HCN1: variants seen among roughly 807,000 people sequenced by gnomAD.
The protein encoded by HCN1 is potassium/sodium hyperpolarization-activated cyclic nucleotide-gated channel 1.
HCN1 carries 13 observed loss-of-function variants against 78.9 expected under a neutral mutation model. The ratio of observed to expected loss-of-function variants is 0.16; its 90% CI spans 0.11 to 0.26. The LOEUF is 0.26. Among genes scored for constraint, HCN1 ranks in the 10% least tolerant of loss-of-function variants. HCN1 has a pLI of 1.00. For missense variants in HCN1, 810 were observed against 1,154.3 expected, an observed-to-expected ratio of 0.70 and a Z score of 4.32; for synonymous variants, 552 against 455.5, an observed-to-expected ratio of 1.21 and a Z score of -2.70.
chr5:45,675,107 C>T (rs1746239887), intron 1 of HCN1, among the ~76,000 whole-genome samples: 1 of 151,622 alleles, frequency 6.6e-6, no homozygotes. Flanking sequence ...AGTGTTCTCA[C>T]TACTACTCTG....
At chr5:45,543,406 T>A (rs969694252) in intron 2 of HCN1, among the ~76,000 whole-genome samples, 2 of 152,148 alleles carry the variant, frequency 1.3e-5, no homozygotes, top group Non-Finnish European at 2.9e-5. Flanking sequence ...TGACTTGCTT[T>A]AGAAATGACA....
At chr5:45,412,635 C>G (rs1408320378) in intron 3 of HCN1, among the ~76,000 whole-genome samples, 1 of 152,064 alleles carries the variant, frequency 6.6e-6, no homozygotes, top group Non-Finnish European at 1.5e-5. Context: ...ATGGCAATGT[C>G]TCTGGAAGGC....
At chr5:45,314,556 A>G (rs1745935212) in intron 5 of HCN1, among the ~76,000 whole-genome samples, 1 of 152,192 alleles carries the variant, frequency 6.6e-6, no homozygotes, top group African/African-American at 2.4e-5. Flanking sequence ...CAATTAAAAG[A>G]CACAGACTGG....
At position 45,682,692 on chromosome 5, in the gene HCN1, G is replaced by A. The variant is rs548454280; in HGVS notation, c.425+12977C>T. ...GGGCCTTAAATTCCAGATGGAGGGG[G>A]TGATAAACAATACTCGAAGTAAAGA... On this transcript the variant is annotated intron_variant, in intron 1 of 7. Coordinates refer to ENST00000303230, the MANE Select transcript of HCN1 (RefSeq NM_021072.4). Among the ~76,000 whole-genome samples the A allele has an allele frequency of 1.1e-4, 17 of 151,878 alleles. No individual in the cohort carries two copies. In the South Asian group the frequency reaches 2.9e-3, roughly 26 times the overall value.
At chr5:45,655,103 G>A (rs1357178035) in intron 1 of HCN1, among the ~76,000 whole-genome samples, 1 of 152,018 alleles carries the variant, frequency 6.6e-6, no homozygotes, top group African/African-American at 2.4e-5. Context: ...ACGTAACTGT[G>A]CCCTTCAGTC....
chr5:45,288,802 C>A (rs111244798), intron 6 of HCN1, among the ~76,000 whole-genome samples: 3 of 151,920 alleles, frequency 2.0e-5, no homozygotes, highest in Non-Finnish European at 4.4e-5. Context: ...GACCTTTGGA[C>A]TTGAAGGGAG....
intron 4 of HCN1, among the ~76,000 whole-genome samples, chr5:45,374,223 T>C (rs1423618724): frequency 8.4e-6 from 1 of 119,408 alleles, no homozygotes; most frequent in Non-Finnish European, 1.8e-5. Context: ...ATTATGTACA[T>C]TATATACATA....
chr5:45,524,916 G>A (rs1742699982), intron 2 of HCN1, among the ~76,000 whole-genome samples: 1 of 152,144 alleles, frequency 6.6e-6, no homozygotes, highest in South Asian at 2.1e-4. Flanking sequence ...TGGTGAGAGA[G>A]GGCATCTCTG....
At chr5:45,667,050 A>C (rs918635697) in intron 1 of HCN1, among the ~76,000 whole-genome samples, 2 of 152,026 alleles carry the variant, frequency 1.3e-5, no homozygotes, top group African/African-American at 4.8e-5. Context: ...CTTGAAGGTA[A>C]AGTGAGAACT....
chr5:45,348,044 A>C (rs1254821555), intron 5 of HCN1, among the ~76,000 whole-genome samples: 1 of 152,128 alleles, frequency 6.6e-6, no homozygotes, highest in Non-Finnish European at 1.5e-5. Context: ...GAGAAGAGCA[A>C]CTCCAAGACA....
intron 5 of HCN1, among the ~76,000 whole-genome samples, chr5:45,305,987 G>T (rs1306746635): frequency 6.6e-6 from 1 of 152,222 alleles, no homozygotes; most frequent in Non-Finnish European, 1.5e-5. Context: ...AATGGCTTGA[G>T]AGACAAGTCT....
intron 2 of HCN1, among the ~76,000 whole-genome samples, chr5:45,551,718 A>G (rs1281746284): frequency 6.6e-6 from 1 of 151,920 alleles, no homozygotes; most frequent in Non-Finnish European, 1.5e-5. Flanking sequence ...CTGGTGTTTT[A>G]TCTGTACAAT....
chr5:45,383,268 T>C (rs988270179), intron 4 of HCN1, among the ~76,000 whole-genome samples: 1 of 152,214 alleles, frequency 6.6e-6, no homozygotes, highest in Admixed American at 6.5e-5. Context: ...TGTTATAGAT[T>C]ACTAATTTGC....
chr5:45,450,675 T>C (rs1740898636), intron 3 of HCN1, among the ~76,000 whole-genome samples: 1 of 152,204 alleles, frequency 6.6e-6, no homozygotes. Flanking sequence ...AGTTCCTGTA[T>C]AGGAATTATT....
intron 5 of HCN1, among the ~76,000 whole-genome samples, chr5:45,317,707 C>A (rs1395844769): frequency 4.6e-5 from 7 of 151,920 alleles, no homozygotes; most frequent in Non-Finnish European, 1.0e-4. Context: ...AGAGCTCAAA[C>A]AAATTTACAA....
chr5:45,372,836 GAAAAATATGTTCGTATTCTATACAC>G (rs1561128864), intron 4 of HCN1, among the ~76,000 whole-genome samples: 1 of 138,582 alleles, frequency 7.2e-6, no homozygotes, highest in Non-Finnish European at 1.5e-5. Flanking sequence ...ATTCTATACA[GAAAAATATGTTCGTATTCTATACAC>G]AAAAATATGT....
intron 6 of HCN1, among the ~76,000 whole-genome samples, chr5:45,275,961 A>T (rs1391454222): frequency 6.6e-6 from 1 of 152,158 alleles, no homozygotes; most frequent in Non-Finnish European, 1.5e-5. Context: ...TGCCTTTAAA[A>T]TGCAGCCAGC....
At chr5:45,682,270 T>TACATATATATATATATATAC (rs1288822287) in intron 1 of HCN1, among the ~76,000 whole-genome samples, 1 of 116,930 alleles carries the variant, frequency 8.6e-6, no homozygotes, top group African/African-American at 3.6e-5. Context: ...TATATATATA[T>TACATATATATATATATATAC]ACATATATAT....
intron 2 of HCN1, among the ~76,000 whole-genome samples, chr5:45,601,025 G>A (rs1353553893): frequency 1.3e-5 from 2 of 152,228 alleles, no homozygotes; most frequent in South Asian, 4.1e-4. Flanking sequence ...TTGAGTAAAA[G>A]TTTGGAAGAA....
Sources: allele counts gnomAD v4.1 joint callset (sites outside exome capture counted in the v4.1 genomes callset), GRCh38; gene constraint gnomAD v4.1.1; transcripts MANE v1.5; gene names NCBI Gene and HGNC (gene_info 2026-07-23, HGNC 2026-07-21).